The following NEK10 variants were observed in gnomAD, a reference collection of about 807,000 sequenced individuals.
The protein encoded by NEK10 is NIMA related kinase 10.
Under a neutral mutation model 159.8 loss-of-function variants are expected in NEK10, and 122 were observed. That is an observed-to-expected ratio of 0.76 (90% confidence interval 0.66 to 0.89). The LOEUF (loss-of-function observed/expected upper bound fraction) is 0.89. NEK10 is among the 40% of genes least tolerant of loss of function. The pLI, the probability that NEK10 is intolerant of heterozygous loss-of-function variation, is 0.00. For synonymous variants in NEK10, 466 were observed against 457.1 expected (o/e 1.02, Z -0.25); for missense variants, 1,342 against 1,323.1 (o/e 1.01, Z -0.22).
At position 27,326,874 on chromosome 3, in the gene NEK10, C is replaced by T. The variant is rs564504541; in HGVS notation, c.363-4613G>A. Among the ~76,000 whole-genome samples, 47 of 152,262 alleles carry T rather than the reference C, an allele frequency of 3.1e-4. 1 individual carries two copies. Among genetic ancestry groups the T allele is most frequent in the South Asian group, 8.3e-4 (4 of 4,820 alleles). ...CTCAGCCCTTAACCCACTGCAAGGA[C>T]GGAGCACATGGGATGAAGTGCTGGT... On this transcript the variant is annotated intron_variant, in intron 5 of 35. Coordinates refer to ENST00000691995, the MANE Select transcript of NEK10 (RefSeq NM_001394966.1).
chr3:27,265,267 C>T (rs1455838626), intron 22 of NEK10, among the ~76,000 whole-genome samples: 3 of 151,934 alleles, frequency 2.0e-5, no homozygotes, highest in East Asian at 3.9e-4. Context: ...TTTGTGGGAA[C>T]ATAATTTTAA....
intron 23 of NEK10, among the ~76,000 whole-genome samples, chr3:27,248,096 T>G (rs1955273367): frequency 6.6e-6 from 1 of 152,120 alleles, no homozygotes; most frequent in East Asian, 1.9e-4. Flanking sequence ...GGTTCCATCT[T>G]GGTAGGTTGT....
At chr3:27,193,538 C>T (rs1949297693) in intron 25 of NEK10, among the ~76,000 whole-genome samples, 1 of 151,762 alleles carries the variant, frequency 6.6e-6, no homozygotes, top group African/African-American at 2.4e-5. Flanking sequence ...CCTGCACTTC[C>T]CCAAATAGCA....
chr3:27,315,096 C>T (rs2045049527), intron 6 of NEK10, among the ~76,000 whole-genome samples: 2 of 152,330 alleles, frequency 1.3e-5, no homozygotes, highest in South Asian at 4.1e-4. Context: ...AGGTTAGCCA[C>T]ATTGTCATTT....
intron 5 of NEK10, among the ~76,000 whole-genome samples, chr3:27,333,228 C>T (rs1294938591): frequency 1.3e-5 from 2 of 152,058 alleles, no homozygotes; most frequent in Non-Finnish European, 2.9e-5. Flanking sequence ...CCATGGACTC[C>T]TGCAATCCTA....
At chr3:27,355,199 T>A (rs2048248392) in intron 1 of NEK10, among the ~76,000 whole-genome samples, 1 of 152,178 alleles carries the variant, frequency 6.6e-6, no homozygotes, top group Admixed American at 6.5e-5. Flanking sequence ...CCTCGCCAGA[T>A]GTTGTTATGA....
intron 33 of NEK10, among the ~76,000 whole-genome samples, chr3:27,116,376 T>G (rs1365672793): frequency 6.6e-6 from 1 of 152,154 alleles, no homozygotes; most frequent in East Asian, 1.9e-4. Context: ...GGGGCATTGC[T>G]CATAGTGTCC....
At chr3:27,172,621 T>C (rs1575100103) in intron 28 of NEK10, among the ~76,000 whole-genome samples, 1 of 152,110 alleles carries the variant, frequency 6.6e-6, no homozygotes, top group East Asian at 1.9e-4. Context: ...TTGAAATGTT[T>C]CCAACACAAA....
chr3:27,317,357 C>T (rs184984380), intron 6 of NEK10, among the ~76,000 whole-genome samples: 9 of 152,264 alleles, frequency 5.9e-5, no homozygotes, highest in East Asian at 5.8e-4. Context: ...TACAGCAATG[C>T]GCCCTGTGTG....
At chr3:27,288,164 A>G (rs2042752649) in intron 19 of NEK10, among the ~76,000 whole-genome samples, 2 of 152,148 alleles carry the variant, frequency 1.3e-5, no homozygotes, top group African/African-American at 4.8e-5. Flanking sequence ...TCTACCATCT[A>G]AATATTTATG....
At chr3:27,163,870 G>A (rs761271774) in intron 29 of NEK10, among the ~76,000 whole-genome samples, 76 of 152,216 alleles carry the variant, frequency 5.0e-4, no homozygotes, top group African/African-American at 1.7e-3. Context: ...CAACCTTTTC[G>A]TTTTAATCAT....
intron 1 of NEK10, among the ~76,000 whole-genome samples, chr3:27,367,151 A>G (rs2149922039): frequency 6.6e-6 from 1 of 152,332 alleles, no homozygotes; most frequent in East Asian, 1.9e-4. Context: ...CTATATATAA[A>G]GCACTATACC....
chr3:27,143,475 C>T (rs1943983009), intron 30 of NEK10: 1 of 760,438 alleles, frequency 1.3e-6, no homozygotes, highest in African/African-American at 1.7e-5. Context: ...ATCTGTGGCC[C>T]TAAATACAAA....
At chr3:27,152,097 T>C (rs1345253157) in intron 30 of NEK10, among the ~76,000 whole-genome samples, 2 of 152,214 alleles carry the variant, frequency 1.3e-5, no homozygotes, top group Non-Finnish European at 2.9e-5. Context: ...GAACAATTCC[T>C]AGCCTTGCTA....
At chr3:27,337,147 C>CA (rs34544402) in intron 5 of NEK10, among the ~76,000 whole-genome samples, 6 of 151,964 alleles carry the variant, frequency 3.9e-5, no homozygotes, top group Non-Finnish European at 8.8e-5. Flanking sequence ...AATCAACCTA[C>CA]AAAAATCAGT....
intron 33 of NEK10, among the ~76,000 whole-genome samples, chr3:27,116,931 C>T (rs367868277): frequency 6.6e-6 from 1 of 151,990 alleles, no homozygotes; most frequent in African/African-American, 2.4e-5. Flanking sequence ...AGGTATTAAG[C>T]CCAGCATGCA....
At chr3:27,365,971 T>C (rs1406620299) in intron 1 of NEK10, among the ~76,000 whole-genome samples, 2 of 152,134 alleles carry the variant, frequency 1.3e-5, no homozygotes, top group African/African-American at 4.8e-5. Flanking sequence ...ATCTAGAAGA[T>C]GAAATCTTTC....
At chr3:27,162,891 A>G (rs960076272) in intron 29 of NEK10, 153 bp from the exon 30 acceptor site, 1 of 469,022 alleles carries the variant, frequency 2.1e-6, no homozygotes, top group African/African-American at 2.1e-5. Flanking sequence ...AGGGAAATAA[A>G]TATATTGCAA....
At position 27,119,793 on chromosome 3, in the gene NEK10, C is replaced by T. The variant is rs568325333; in HGVS notation, c.3157G>A (p.Gly1053Ser). ...ADYHLLHRSS[G>S]GNSLSPNDPT... is the part of the protein sequence containing the mutation. The stretch of plus-strand genomic sequence containing the variant: ...TCATTTGGGGACAGGCTGTTTCCAC[C>T]GGATGAACGATGTAATAAATGGTAA... Residue 1053 changes from glycine (G) to serine (S), a missense_variant, in exon 33 of 36, where the codon GGT (glycine) becomes AGT (serine). Physicochemically the swap from Gly to Ser is moderately conservative, Grantham distance 56 (BLOSUM62 0). Coordinates refer to ENST00000691995, the MANE Select transcript of NEK10 (RefSeq NM_001394966.1). 343 of 1,613,760 alleles carry T rather than the reference C, an allele frequency of 2.1e-4. 2 individuals carry two copies. In the South Asian group the frequency reaches 3.3e-3, roughly 16 times the overall value.
Sources: gnomAD v4.1 joint callset for allele counts (sites outside exome capture counted in the v4.1 genomes callset) on GRCh38, gnomAD v4.1.1 for gene constraint, MANE v1.5 for transcripts, NCBI Gene and HGNC (gene_info 2026-07-23, HGNC 2026-07-21) for gene names.